The following ZBTB40 variants were observed in gnomAD, a reference collection of about 807,000 sequenced individuals.
ZBTB40 encodes zinc finger and BTB domain containing 40, also known as zinc finger and BTB domain-containing protein 40.
ZBTB40 carries 60 observed loss-of-function variants against 117.5 expected under a neutral mutation model. That is an observed-to-expected ratio of 0.51 (90% confidence interval 0.41 to 0.63). ZBTB40 has a LOEUF of 0.63. Among genes scored for constraint, ZBTB40 ranks in the 30% least tolerant of loss-of-function variants. The pLI, the probability that ZBTB40 is intolerant of heterozygous loss-of-function variation, is 0.00. For synonymous variants in ZBTB40, 525 were observed against 577.1 expected (o/e 0.91, Z 1.29); for missense variants, 1,287 against 1,498.5 (o/e 0.86, Z 2.33).
Position 22,511,879 on chromosome 1 carries a change from T to G in ZBTB40, c.2206T>G (p.Phe736Val), listed in dbSNP as rs759568111. The G allele has an allele frequency of 6.2e-7, 1 of 1,614,108 alleles. No individual in the cohort carries two copies. The highest frequency in any genetic ancestry group is 1.7e-5 in the Admixed American group (1 of 60,016). ...SASPDPAKKS[F>V]ICKACDKSFH... Reference sequence around the variant, plus strand: ...CTCCCCAGACCCTGCCAAGAAGAGCTTCATCTGTAAGGCCTGCGACAAAAG... The same window carrying G: ...CTCCCCAGACCCTGCCAAGAAGAGCGTCATCTGTAAGGCCTGCGACAAAAG... Residue 736 changes from phenylalanine (F) to valine (V), a missense_variant, in exon 11 of 18, where the codon TTC becomes GTC. Transcript: ENST00000375647.
At chr1:22,497,459 G>C (rs959115216) in intron 3 of ZBTB40, among the ~76,000 whole-genome samples, 24 of 152,198 alleles carry the variant, frequency 1.6e-4, no homozygotes, top group African/African-American at 5.5e-4. Flanking sequence ...ACAGGTCTAT[G>C]AAAGGTGAAA....
intron 3 of ZBTB40, among the ~76,000 whole-genome samples, chr1:22,493,380 T>A (rs952094470): frequency 1.3e-5 from 2 of 152,330 alleles, no homozygotes; most frequent in Admixed American, 1.3e-4. Context: ...TTTAAGAATA[T>A]AAGATTAAAT....
intron 1 of ZBTB40, among the ~76,000 whole-genome samples, chr1:22,439,965 C>T (rs12129278): frequency 0.068 from 10,288 of 152,208 alleles, 482 homozygotes; most frequent in Non-Finnish European, 0.1. Flanking sequence ...TAACATGGGA[C>T]GTGTTTCCAT....
At chr1:22,477,455 C>T (rs1266987723) in intron 1 of ZBTB40, among the ~76,000 whole-genome samples, 1 of 151,984 alleles carries the variant, frequency 6.6e-6, no homozygotes, top group African/African-American at 2.4e-5. Flanking sequence ...TCGAGACCAT[C>T]CTGGCCAACG....
intron 1 of ZBTB40, among the ~76,000 whole-genome samples, chr1:22,432,603 T>C (rs892266223): frequency 2.0e-5 from 3 of 152,244 alleles, no homozygotes; most frequent in Admixed American, 6.5e-5. Context: ...ATATCCTTCA[T>C]TGCAGAAAGT....
chr1:22,449,137 A>G (rs1640826248), upstream of ZBTB40, among the ~76,000 whole-genome samples: 1 of 152,160 alleles, frequency 6.6e-6, no homozygotes, highest in Non-Finnish European at 1.5e-5. Flanking sequence ...TACTACGGCC[A>G]GGAACATGTT....
chr1:22,473,206 G>A (rs1242709047), intron 1 of ZBTB40, among the ~76,000 whole-genome samples: 1 of 152,168 alleles, frequency 6.6e-6, no homozygotes, highest in Non-Finnish European at 1.5e-5. Context: ...AAAATGAAGA[G>A]TCTGAGGCCC....
chr1:22,475,096 TTG>T (rs1641523960), intron 1 of ZBTB40, among the ~76,000 whole-genome samples: 1 of 152,218 alleles, frequency 6.6e-6, no homozygotes, highest in Non-Finnish European at 1.5e-5. Context: ...CTTTTCTCTC[TTG>T]GATATTGAAA....
chr1:22,481,602 T>A (rs922221274), intron 1 of ZBTB40, among the ~76,000 whole-genome samples: 1 of 151,988 alleles, frequency 6.6e-6, no homozygotes, highest in Non-Finnish European at 1.5e-5. Flanking sequence ...GAATCTTCTC[T>A]TGTTTAATCT....
chr1:22,448,416 A>G (rs944245759), upstream of ZBTB40, among the ~76,000 whole-genome samples: 11 of 152,204 alleles, frequency 7.2e-5, no homozygotes, highest in Non-Finnish European at 1.6e-4. Context: ...CGTTGCTGCT[A>G]AGTGCTAGGA....
At chr1:22,500,261 T>G (rs1262684891) in intron 3 of ZBTB40, among the ~76,000 whole-genome samples, 1 of 152,228 alleles carries the variant, frequency 6.6e-6, no homozygotes, top group Non-Finnish European at 1.5e-5. Flanking sequence ...TGTTGATGTC[T>G]TAGAAGCATC....
In ZBTB40 at chr1:22,509,188, G is replaced by T; in HGVS notation, c.1788G>T (p.Lys596Asn). The T allele has an allele frequency of 5.0e-6, 8 of 1,614,174 alleles. No homozygotes were observed. The highest frequency in any genetic ancestry group is 6.8e-6 in the Non-Finnish European group (8 of 1,180,038). Residue 596 changes from lysine to asparagine, a missense_variant, in exon 9 of 18, where the codon AAG becomes AAT. Lys to Asn is a moderately conservative substitution (Grantham distance 94). Coordinates refer to ENST00000375647, the MANE Select transcript of ZBTB40 (RefSeq NM_014870.4). ...CCATCCAACAGAAGATTGAGTACAA[G>T]CTCTTTACCTCGGAGGAGGAGCACC... ...LEAIQQKIEY[K>N]LFTSEEEHLA... is the part of the protein sequence containing the mutation.
At chr1:22,449,388 T>C (rs909258300), upstream of ZBTB40, among the ~76,000 whole-genome samples, 5 of 152,216 alleles carry the variant, frequency 3.3e-5, no homozygotes, top group Non-Finnish European at 7.3e-5. Flanking sequence ...GATGAGGCCC[T>C]TACAAGGTCT....
intron 1 of ZBTB40, among the ~76,000 whole-genome samples, chr1:22,430,395 C>G (rs1045864906): frequency 2.0e-5 from 3 of 152,134 alleles, no homozygotes; most frequent in African/African-American, 7.2e-5. Context: ...TGGAGACCAG[C>G]CTAGGTAACA....
chr1:22,436,555 C>G (rs1186550608), intron 1 of ZBTB40, among the ~76,000 whole-genome samples: 1 of 152,012 alleles, frequency 6.6e-6, no homozygotes, highest in African/African-American at 2.4e-5. Context: ...TACTCATAAA[C>G]TTTATTCATA....
At chr1:22,441,501 A>C in intron 1 of ZBTB40, among the ~76,000 whole-genome samples, 1 of 111,462 alleles carries the variant, frequency 9.0e-6, no homozygotes, top group Non-Finnish European at 1.8e-5. Flanking sequence ...TTTTTGAGAC[A>C]GAGTCTCATT....
At chr1:22,433,344 A>G (rs568253904) in intron 1 of ZBTB40, among the ~76,000 whole-genome samples, 2 of 147,574 alleles carry the variant, frequency 1.4e-5, no homozygotes, top group African/African-American at 4.9e-5. Flanking sequence ...GAGGCAGGAG[A>G]ATGGCGTGAA....
At chr1:22,445,314 A>G (rs775143538) in intron 1 of ZBTB40, among the ~76,000 whole-genome samples, 5 of 152,192 alleles carry the variant, frequency 3.3e-5, no homozygotes, top group Non-Finnish European at 7.3e-5. Flanking sequence ...GAGGGGAAAT[A>G]TCCAATTCCA....
At chr1:22,437,567 G>A (rs1640685460) in intron 1 of ZBTB40, among the ~76,000 whole-genome samples, 1 of 151,494 alleles carries the variant, frequency 6.6e-6, no homozygotes, top group Non-Finnish European at 1.5e-5. Flanking sequence ...CTACAGGCAC[G>A]CACCACTACA....
Sources: gnomAD v4.1 joint callset for allele counts (sites outside exome capture counted in the v4.1 genomes callset) on GRCh38, gnomAD v4.1.1 for gene constraint, MANE v1.5 for transcripts, NCBI Gene and HGNC (gene_info 2026-07-23, HGNC 2026-07-21) for gene names.